The following COL7A1 variants were observed in gnomAD, a reference collection of about 807,000 sequenced individuals.
The protein encoded by COL7A1 is collagen type VII alpha 1 chain, also known as collagen alpha-1(VII) chain.
COL7A1 carries 296 observed loss-of-function variants against 456.2 expected under a neutral mutation model. The ratio of observed to expected loss-of-function variants is 0.65; its 90% CI spans 0.59 to 0.71. The LOEUF (loss-of-function observed/expected upper bound fraction) is 0.71. COL7A1 is among the 30% of genes least tolerant of loss of function. The pLI, the probability that COL7A1 is intolerant of heterozygous loss-of-function variation, is 0.00. For missense variants in COL7A1, 3,441 were observed against 4,017.2 expected, an observed-to-expected ratio of 0.86 and a Z score of 3.88; for synonymous variants, 1,464 against 1,525.9, an observed-to-expected ratio of 0.96 and a Z score of 0.95.
In COL7A1 at chr3:48,591,533, G is replaced by T. The variant is rs996046539; in HGVS notation, c.1567C>A (p.Arg523=). 6.2e-7 allele frequency: 1 copy of T among 1,613,932 alleles called. No homozygotes were observed. Among genetic ancestry groups the T allele is most frequent in the African/African-American group, 1.3e-5 (1 of 75,014 alleles). ...ACTGGGCTCCAGGACACTCGCACCC[G>T]CTGCCCGGGCAGCTCGGTGGCTTGC... The part of the protein sequence containing the change: ...DLQATELPGQ[R]VRVSWSPVPG... The change falls in exon 13 of 119, where the codon CGG becomes AGG. Residue 523 remains arginine, a synonymous_variant. Transcript: ENST00000681320. This position sits in a 1 kb window ranked among gnomAD's most constrained non-coding sequence, Gnocchi z 7.0.
Position 48,578,914 on chromosome 3 carries a change from C to T in COL7A1, c.5424+5G>A, listed in dbSNP as rs1221142362. The T allele has an allele frequency of 3.7e-6, 6 of 1,613,740 alleles. No individual in the cohort carries two copies. Among genetic ancestry groups the T allele is most frequent in the Non-Finnish European group, 5.1e-6 (6 of 1,179,880 alleles). On this transcript the variant is annotated splice_donor_5th_base_variant and intron_variant, in intron 63 of 118. Coordinates refer to ENST00000681320, the MANE Select transcript of COL7A1 (RefSeq NM_000094.4). The surrounding 1 kb of genome is among the most constrained non-coding windows in gnomAD (Gnocchi z 4.7). ...CCCTCTGTCCCAGCATCTCCCCTCA[C>T]TTACGTCTCTCCCTGGGTCCCCAGC...
In COL7A1 at chr3:48,589,691, T is replaced by C. The variant is rs748573760; in HGVS notation, c.2078A>G (p.His693Arg). The C allele has an allele frequency of 3.1e-6, 5 of 1,614,032 alleles. No individual in the cohort carries two copies. Among genetic ancestry groups the C allele is most frequent in the South Asian group, 1.1e-5 (1 of 91,074 alleles). ...TDPLGPVRTV[H>R]VTQASSSSVT... ...AGATGAGCTGCTGGCCTGAGTCACA[T>C]GGACCGTCCTCACTGGGCCCAGTGG... Residue 693 changes from histidine to arginine, a missense_variant, in exon 17 of 119, where the codon CAT (histidine) becomes CGT (arginine). His to Arg is a conservative substitution (Grantham distance 29). Transcript: ENST00000681320.
chr3:48,573,061 C>G lies in COL7A1; in HGVS notation c.6715-5G>C, dbSNP rs565238443. On this transcript the variant is annotated splice_polypyrimidine_tract_variant and splice_region_variant and intron_variant, in intron 85 of 118. Transcript: ENST00000681320. This position sits in a 1 kb window ranked among gnomAD's most constrained non-coding sequence, Gnocchi z 5.5. The stretch of plus-strand genomic sequence containing the variant: ...ACCTGGAGACCCCTGTGGACCCTGA[C>G]GGAGAACAAGTCGGATGTCAGGGTG... 6.2e-7 allele frequency: 1 copy of G among 1,614,100 alleles called. No homozygotes were observed. The highest frequency in any genetic ancestry group is 2.2e-5 in the East Asian group (1 of 44,864).
chr3:48,579,883 G>C lies in COL7A1; in HGVS notation c.5125-69C>G, dbSNP rs1383678731. The stretch of plus-strand genomic sequence containing the variant: ...AAGAGGAGTTGGCGAGGGGATACAG[G>C]GTCTGTGAGGGGCTCCAGGGATCCG... On this transcript the variant is annotated intron_variant, in intron 57 of 118. Transcript: ENST00000681320. The surrounding 1 kb of genome is among the most constrained non-coding windows in gnomAD (Gnocchi z 4.4). 1.2e-6 allele frequency: 2 copies of C among 1,610,862 alleles called. No homozygotes were observed. Among genetic ancestry groups the C allele is most frequent in the Middle Eastern group, 1.6e-4 (1 of 6,080 alleles).
At position 48,581,912 on chromosome 3, in the gene COL7A1, T is replaced by C. The variant is rs1196821507; in HGVS notation, c.4667A>G (p.Lys1556Arg). 6.2e-7 allele frequency: 1 copy of C among 1,614,002 alleles called. No homozygotes were observed. The highest frequency in any genetic ancestry group is 2.2e-5 in the East Asian group (1 of 44,880). The change falls in exon 48 of 119, where the codon AAG (lysine) becomes AGG (arginine). Residue 1556 changes from lysine (K) to arginine (R), a missense_variant and splice_region_variant. Transcript: ENST00000681320. This position sits in a 1 kb window ranked among gnomAD's most constrained non-coding sequence, Gnocchi z 5.8. ...GPAVAGPKGE[K>R]GDVGPAGPRG... ...CCCCTTGCCCCATACCAGGCTTACCTTTTCTCCTTTGGGTCCAGCAACAGC... is the reference window on the plus strand; with the variant it reads ...CCCCTTGCCCCATACCAGGCTTACCCTTTCTCCTTTGGGTCCAGCAACAGC...
chr3:48,573,506 G>C lies in COL7A1; in HGVS notation c.6618+7C>G. 6.2e-7 allele frequency: 1 copy of C among 1,614,052 alleles called. No homozygotes were observed. The highest frequency in any genetic ancestry group is 8.5e-7 in the Non-Finnish European group (1 of 1,179,996). On this transcript the variant is annotated splice_region_variant and intron_variant, in intron 83 of 118. Transcript: ENST00000681320. This position sits in a 1 kb window ranked among gnomAD's most constrained non-coding sequence, Gnocchi z 5.5. ...CCTCCTCCTCCTATCCACACACCTAGACTCACCTTCAGGCCAGAAGGTCCT... is the reference window on the plus strand; with the variant it reads ...CCTCCTCCTCCTATCCACACACCTACACTCACCTTCAGGCCAGAAGGTCCT...
rs1221454069 is a variant in COL7A1, at chr3:48,582,216, T to G, written c.4635+107A>C. Reference sequence around the variant, plus strand: ...AAGGAGAGCCGCAGAGCTCCCAGCCTGCTCACGGGCCCAGCACTGTGGAAT... The same window carrying G: ...AAGGAGAGCCGCAGAGCTCCCAGCCGGCTCACGGGCCCAGCACTGTGGAAT... On this transcript the variant is annotated intron_variant, in intron 47 of 118. Transcript: ENST00000681320. 1.6e-5 allele frequency: 25 copies of G among 1,592,012 alleles called. No homozygotes were observed. In the East Asian group the frequency reaches 5.6e-4, roughly 36 times the overall value.
At position 48,578,968 on chromosome 3, in the gene COL7A1, C is replaced by CA; in HGVS notation, c.5389-15dup. 1 of 1,613,982 alleles carries CA rather than the reference C, an allele frequency of 6.2e-7. No individual in the cohort carries two copies. The highest frequency in any genetic ancestry group is 2.2e-5 in the East Asian group (1 of 44,878). The stretch of plus-strand genomic sequence containing the variant: ...GCCTGCAGCACCCTGAGGAGAGACT[C>CA]AAAGTCAGTTCATCATGGTCATGGG... On this transcript the variant is annotated splice_polypyrimidine_tract_variant and intron_variant, in intron 62 of 118. Coordinates refer to ENST00000681320, the MANE Select transcript of COL7A1 (RefSeq NM_000094.4). The surrounding 1 kb of genome is among the most constrained non-coding windows in gnomAD (Gnocchi z 4.7).
chr3:48,568,670 G>T lies in COL7A1; in HGVS notation c.7758+114C>A. On this transcript the variant is annotated intron_variant, in intron 104 of 118. Transcript: ENST00000681320. This position sits in a 1 kb window ranked among gnomAD's most constrained non-coding sequence, Gnocchi z 5.2. The stretch of plus-strand genomic sequence containing the variant: ...ACAGATCCCGGGTGAACACACATGG[G>T]GCCGGCAGCAAGGGAGCCAGAACCC... The T allele has an allele frequency of 6.8e-7, 1 of 1,475,352 alleles. No individual in the cohort carries two copies. Among genetic ancestry groups the T allele is most frequent in the Non-Finnish European group, 9.3e-7 (1 of 1,080,352 alleles). The allele number at this position is 1,475,352 out of a possible 1,614,324, so 91.4% of individuals were successfully genotyped here.
Position 48,590,869 on chromosome 3 carries a change from G to A in COL7A1, c.1637-53C>T, listed in dbSNP as rs745733764. 778 of 1,598,272 alleles carry A rather than the reference G, an allele frequency of 4.9e-4. 3 individuals carry two copies. The highest frequency in any genetic ancestry group is 6.0e-4 in the Non-Finnish European group (702 of 1,173,224). ...AGGGGTCAGAAAGAGACAGGGATGT[G>A]GGACGATGGCAGTGATGGACAGGGA... On this transcript the variant is annotated intron_variant, in intron 13 of 118. Transcript: ENST00000681320. The surrounding 1 kb of genome is among the most constrained non-coding windows in gnomAD (Gnocchi z 4.6).
chr3:48,572,001 A>G lies in COL7A1; in HGVS notation c.7068T>C (p.Asp2356=). ...GCCCTTGCCTAGGCCCCGGACTCAC[A>G]TCTTCCCCAGGGTCTCCGGGCTCCC... ...RAGEPGDPGE[D]GQKGAPGPKG... is the part of the protein sequence containing the mutation. The change falls in exon 92 of 119, where the codon GAT becomes GAC. Residue 2356 remains aspartate, a splice_region_variant and synonymous_variant. Transcript: ENST00000681320. This position sits in a 1 kb window ranked among gnomAD's most constrained non-coding sequence, Gnocchi z 4.6. The G allele has an allele frequency of 3.1e-6, 5 of 1,612,500 alleles. No individual in the cohort carries two copies. The highest frequency in any genetic ancestry group is 4.2e-6 in the Non-Finnish European group (5 of 1,179,464).
In COL7A1 at chr3:48,575,002, C is replaced by T; in HGVS notation, c.6279+62G>A. The stretch of plus-strand genomic sequence containing the variant: ...GCACACACTACCATATTTCTGGGGA[C>T]CAAGCTAAGGGTGGCTTCCTGGTCA... On this transcript the variant is annotated intron_variant, in intron 76 of 118. Coordinates refer to ENST00000681320, the MANE Select transcript of COL7A1 (RefSeq NM_000094.4). The surrounding 1 kb of genome is among the most constrained non-coding windows in gnomAD (Gnocchi z 6.3). The T allele has an allele frequency of 6.3e-7, 1 of 1,585,402 alleles. No individual in the cohort carries two copies. Among genetic ancestry groups the T allele is most frequent in the Non-Finnish European group, 8.7e-7 (1 of 1,154,872 alleles).
rs1207837705 is a variant in COL7A1, at chr3:48,571,148, C to T, written c.7117G>A (p.Val2373Ile). The T allele has an allele frequency of 3.1e-6, 5 of 1,614,090 alleles. No homozygotes were observed. Among genetic ancestry groups the T allele is most frequent in the South Asian group, 1.1e-5 (1 of 91,078 alleles). ...GPKGFKGDPG[V>I]GVPGSPGPPG... Reference sequence around the variant, plus strand: ...GGCCCAGGGGAGCCCGGGACCCCGACTCCTGGGTCACCCTTTGAGGAAAAG... The same window carrying T: ...GGCCCAGGGGAGCCCGGGACCCCGATTCCTGGGTCACCCTTTGAGGAAAAG... The change falls in exon 94 of 119, where the codon GTC (valine) becomes ATC (isoleucine). Residue 2373 changes from valine to isoleucine, a missense_variant. Val to Ile is a conservative substitution (Grantham distance 29). Coordinates refer to ENST00000681320, the MANE Select transcript of COL7A1 (RefSeq NM_000094.4). The surrounding 1 kb of genome is among the most constrained non-coding windows in gnomAD (Gnocchi z 4.6).
Position 48,568,821 on chromosome 3 carries a change from G to T in COL7A1, c.7721C>A (p.Ala2574Asp). Residue 2574 changes from alanine to aspartate, a missense_variant, in exon 104 of 119, where the codon GCC becomes GAC. This residue lies in a region of COL7A1 where 2,084 missense variants were observed against 2,501.3 expected (regional missense o/e 0.83). Coordinates refer to ENST00000681320, the MANE Select transcript of COL7A1 (RefSeq NM_000094.4). The surrounding 1 kb of genome is among the most constrained non-coding windows in gnomAD (Gnocchi z 5.2). ...GAGTCCACGCAGTCCTGGCAACCCG[G>T]CTGAGCCCTTGTCACCAGGCTCTCC... is the stretch of plus-strand genomic sequence containing the variant. The part of the protein sequence containing the change: ...SKGEPGDKGS[A>D]GLPGLRGLLG... 1 of 1,576,672 alleles carries T rather than the reference G, an allele frequency of 6.3e-7. No homozygotes were observed. Among genetic ancestry groups the T allele is most frequent in the South Asian group, 1.2e-5 (1 of 86,128 alleles).
At position 48,581,516 on chromosome 3, in the gene COL7A1, C is replaced by CA. The variant is rs1218570706; in HGVS notation, c.4783-34dup. 4.3e-6 allele frequency: 7 copies of CA among 1,614,014 alleles called. No individual in the cohort carries two copies. Among genetic ancestry groups the CA allele is most frequent in the Non-Finnish European group, 5.9e-6 (7 of 1,180,012 alleles). ...GGACAGAAGGGGGGCAGGACTTAGT[C>CA]AGGGTCCCACCACCTCATCTCCCTC... On this transcript the variant is annotated intron_variant, in intron 50 of 118. Coordinates refer to ENST00000681320, the MANE Select transcript of COL7A1 (RefSeq NM_000094.4). This position sits in a 1 kb window ranked among gnomAD's most constrained non-coding sequence, Gnocchi z 5.8.
At position 48,591,696 on chromosome 3, in the gene COL7A1, G is replaced by A; in HGVS notation, c.1484C>T (p.Thr495Ile). 1 of 1,614,106 alleles carries A rather than the reference G, an allele frequency of 6.2e-7. No homozygotes were observed. Among genetic ancestry groups the A allele is most frequent in the Non-Finnish European group, 8.5e-7 (1 of 1,180,014 alleles). Residue 495 changes from threonine (T) to isoleucine (I), a missense_variant, in exon 12 of 119, where the codon ACC becomes ATC. Thr to Ile is a moderately conservative substitution (Grantham distance 89). Coordinates refer to ENST00000681320, the MANE Select transcript of COL7A1 (RefSeq NM_000094.4). The surrounding 1 kb of genome is among the most constrained non-coding windows in gnomAD (Gnocchi z 7.0). ...YTLLEGHEVA[T>I]PATVVPTGPE... ...ACCAGTGGGAACCACGGTTGCAGGG[G>A]TGGCCACCTCGTGGCCCTCCAGCAG...
In COL7A1 at chr3:48,574,491, G is replaced by A. The variant is rs747844780; in HGVS notation, c.6453C>T (p.Asn2151=). 19 of 1,613,990 alleles carry A rather than the reference G, an allele frequency of 1.2e-5. No homozygotes were observed. Among genetic ancestry groups the A allele is most frequent in the East Asian group, 4.5e-5 (2 of 44,902 alleles). Residue 2151 remains asparagine, a synonymous_variant, in exon 79 of 119, where the codon AAC becomes AAT. Coordinates refer to ENST00000681320, the MANE Select transcript of COL7A1 (RefSeq NM_000094.4). This position sits in a 1 kb window ranked among gnomAD's most constrained non-coding sequence, Gnocchi z 5.0. Reference sequence around the variant, plus strand: ...TGGCTGTTGGGCAAGGACTTACCGGGTTGCCGTCCTGACCCCTCGGTCCAG... The same window carrying A: ...TGGCTGTTGGGCAAGGACTTACCGGATTGCCGTCCTGACCCCTCGGTCCAG... The part of the protein sequence containing the change: ...GEPGPRGQDG[N]PGLPGERGMA...
chr3:48,566,722 G>C lies in COL7A1; in HGVS notation c.8242C>G (p.Pro2748Ala). ...GGAGCCCCCACCACTCTCTCTCCGG[G>C]GGGACCTCGCTCACCCTGTCAGACA... ...LQGQKGERGP[P>A]GERVVGAPGV... The change falls in exon 112 of 119, where the codon CCC (proline) becomes GCC (alanine). Residue 2748 changes from proline (P) to alanine (A), a missense_variant. Coordinates refer to ENST00000681320, the MANE Select transcript of COL7A1 (RefSeq NM_000094.4). This position sits in a 1 kb window ranked among gnomAD's most constrained non-coding sequence, Gnocchi z 5.9. 2 of 1,613,782 alleles carry C rather than the reference G, an allele frequency of 1.2e-6. No homozygotes were observed. The highest frequency in any genetic ancestry group is 1.3e-5 in the African/African-American group (1 of 74,982).
Position 48,580,637 on chromosome 3 carries a change from G to A in COL7A1, c.4996C>T (p.Arg1666Trp), listed in dbSNP as rs764442838. The part of the protein sequence containing the change: ...ERGLRGAPGV[R>W]GPVGEKGDQG... Reference sequence around the variant, plus strand: ...TCTCCCTTTTCACCCACAGGCCCCCGAACTCCAGGTGCCCCCTAAGAAGAG... The same window carrying A: ...TCTCCCTTTTCACCCACAGGCCCCCAAACTCCAGGTGCCCCCTAAGAAGAG... The change falls in exon 55 of 119, where the codon CGG (arginine) becomes TGG (tryptophan). Residue 1666 changes from arginine (R) to tryptophan (W), a missense_variant. Coordinates refer to ENST00000681320, the MANE Select transcript of COL7A1 (RefSeq NM_000094.4). The surrounding 1 kb of genome is among the most constrained non-coding windows in gnomAD (Gnocchi z 4.5). 45 of 1,613,610 alleles carry A rather than the reference G, an allele frequency of 2.8e-5. No individual in the cohort carries two copies. Among genetic ancestry groups the A allele is most frequent in the Admixed American group, 1.8e-4 (11 of 59,966 alleles).
Sources: gnomAD v4.1 joint callset for allele counts on GRCh38, gnomAD v4.1.1 for gene constraint, gnomAD v4.1.1 regional missense constraint, Gnocchi (gnomAD v3.1) non-coding constraint, MANE v1.5 for transcripts, NCBI Gene and HGNC (gene_info 2026-07-23, HGNC 2026-07-21) for gene names.